ZNF329: variants seen among roughly 807,000 people sequenced by gnomAD.
ZNF329 encodes the protein zinc finger protein 329.
Under a neutral mutation model 26.6 loss-of-function variants are expected in ZNF329, and 15 were observed. That is an observed-to-expected ratio of 0.56 (90% CI 0.38 to 0.87). The LOEUF (loss-of-function observed/expected upper bound fraction) is 0.87. Among genes scored for constraint, ZNF329 ranks in the 40% least tolerant of loss-of-function variants. The pLI, the probability that ZNF329 is intolerant of heterozygous loss-of-function variation, is 0.00. For missense variants in ZNF329, 651 were observed against 651.9 expected, an observed-to-expected ratio of 1.00 and a Z score of 0.02; for synonymous variants, 239 against 233.5, an observed-to-expected ratio of 1.02 and a Z score of -0.21.
intron 3 of ZNF329, among the ~76,000 whole-genome samples, chr19:58,130,965 C>T (rs1335411545): frequency 6.6e-6 from 1 of 152,110 alleles, no homozygotes; most frequent in Non-Finnish European, 1.5e-5. Flanking sequence ...ACCTCAGCCT[C>T]CCAAAATGCT....
In ZNF329 at chr19:58,128,478, G is replaced by T; in HGVS notation, c.1026C>A (p.Pro342=). The T allele has an allele frequency of 2.5e-6, 4 of 1,613,824 alleles. No homozygotes were observed. In the African/African-American group the frequency reaches 4.0e-5, roughly 16 times the overall value. Residue 342 remains proline (P), a synonymous_variant, in exon 4 of 4, where the codon CCC becomes CCA. Coordinates refer to ENST00000598312, the MANE Select transcript of ZNF329 (RefSeq NM_024620.4). Reference sequence around the variant, plus strand: ...CCTTTCCACATTTGCTACACTCATAGGGCTTCTCACCGGTGTGGATTCTGA... The same window carrying T: ...CCTTTCCACATTTGCTACACTCATATGGCTTCTCACCGGTGTGGATTCTGA... ...VHLRIHTGEK[P]YECSKCGKAF...
chr19:58,128,425 T>C lies in ZNF329; in HGVS notation c.1079A>G (p.Gln360Arg). 1 of 1,614,052 alleles carries C rather than the reference T, an allele frequency of 6.2e-7. No individual in the cohort carries two copies. Residue 360 changes from glutamine to arginine, a missense_variant, in exon 4 of 4, where the codon CAG becomes CGG. Physicochemically the swap from Gln to Arg is conservative, Grantham distance 43. Transcript: ENST00000598312. ...TTCTCCAGTGTGAGTCCTCTCATGC[T>C]GGGTGAGGTACGAGCCGTCCCGGAA... ...KAFRDGSYLT[Q>R]HERTHTGEKP...
chr19:58,127,846 G>A lies in ZNF329; in HGVS notation c.*32C>T. On this transcript the variant is annotated 3_prime_UTR_variant, in exon 4 of 4. Transcript: ENST00000598312. ...ACGCCTCCTAAACACAGGAGTGAGAGTGAACTGGAAGACTCATGTGGCCCC... is the reference window on the plus strand; with the variant it reads ...ACGCCTCCTAAACACAGGAGTGAGAATGAACTGGAAGACTCATGTGGCCCC... 1.3e-6 allele frequency: 2 copies of A among 1,543,556 alleles called. No individual in the cohort carries two copies. The highest frequency in any genetic ancestry group is 2.5e-5 in the South Asian group (2 of 80,894).
chr19:58,145,655 A>G (rs1297744611), intron 1 of ZNF329, among the ~76,000 whole-genome samples: 1 of 152,224 alleles, frequency 6.6e-6, no homozygotes, highest in Non-Finnish European at 1.5e-5. Context: ...GGCACAAAAC[A>G]TAAAGAAAAA....
intron 3 of ZNF329, among the ~76,000 whole-genome samples, chr19:58,130,693 A>AC: frequency 6.6e-6 from 1 of 151,496 alleles, no homozygotes; most frequent in East Asian, 1.9e-4. Context: ...AAAAAAAAAA[A>AC]ACTGGATCAT....
At chr19:58,134,612 A>G (rs888835742) in intron 3 of ZNF329, among the ~76,000 whole-genome samples, 4 of 152,230 alleles carry the variant, frequency 2.6e-5, no homozygotes, top group African/African-American at 7.2e-5. Flanking sequence ...TGAGGATCAC[A>G]GGGCAATGTA....
rs2074884046 is a variant in ZNF329, at chr19:58,129,366, G to A, written c.138C>T (p.His46=). The A allele has an allele frequency of 6.2e-7, 1 of 1,614,204 alleles. No homozygotes were observed. Among genetic ancestry groups the A allele is most frequent in the South Asian group, 1.1e-5 (1 of 91,086 alleles). Residue 46 remains histidine, a synonymous_variant, in exon 4 of 4, where the codon CAC becomes CAT. Transcript: ENST00000598312. ...DGWDCENQEG[H]LRQSALTLEK... Reference sequence around the variant, plus strand: ...CCAGAGTTAAAGCTGATTGCCTCAAGTGTCCCTCCTGGTTCTCACAGTCCC... The same window carrying A: ...CCAGAGTTAAAGCTGATTGCCTCAAATGTCCCTCCTGGTTCTCACAGTCCC...
At chr19:58,142,143 T>C (rs2075203397) in intron 3 of ZNF329, among the ~76,000 whole-genome samples, 1 of 152,134 alleles carries the variant, frequency 6.6e-6, no homozygotes, top group Non-Finnish European at 1.5e-5. Flanking sequence ...AAAGACCACA[T>C]ACTGCAGGCT....
At chr19:58,150,303 C>A (rs1055668983) in intron 1 of ZNF329, among the ~76,000 whole-genome samples, 1 of 152,192 alleles carries the variant, frequency 6.6e-6, no homozygotes, top group African/African-American at 2.4e-5. Context: ...GGCTCACGGC[C>A]GCCAATTCAG....
chr19:58,131,645 G>A (rs888100977), intron 3 of ZNF329, among the ~76,000 whole-genome samples: 1 of 152,104 alleles, frequency 6.6e-6, no homozygotes, highest in Non-Finnish European at 1.5e-5. Context: ...AAGAACTACA[G>A]AGGATTCTTA....
At chr19:58,131,637 G>A (rs573110079) in intron 3 of ZNF329, among the ~76,000 whole-genome samples, 74 of 152,090 alleles carry the variant, frequency 4.9e-4, no homozygotes, top group South Asian at 4.8e-3. Flanking sequence ...TACTGCCCAA[G>A]AACTACAGAG....
At chr19:58,130,092 G>T (rs1478223678) in intron 3 of ZNF329, among the ~76,000 whole-genome samples, 6 of 152,136 alleles carry the variant, frequency 3.9e-5, no homozygotes, top group African/African-American at 1.2e-4. Context: ...AGTGGAGGCA[G>T]GTGGATCATT....
chr19:58,132,497 C>G (rs2074969225), intron 3 of ZNF329: 1 of 152,028 alleles, frequency 6.6e-6, no homozygotes, highest in African/African-American at 2.4e-5. Context: ...CAAGACCAGC[C>G]TGGGCAACTA....
At chr19:58,141,904 A>C (rs1363468934) in intron 3 of ZNF329, among the ~76,000 whole-genome samples, 1 of 151,744 alleles carries the variant, frequency 6.6e-6, no homozygotes, top group Admixed American at 6.6e-5. Context: ...AAAAAAAAAA[A>C]AAACAAATTA....
chr19:58,147,768 T>G (rs1375374086), intron 1 of ZNF329, among the ~76,000 whole-genome samples: 11 of 17,346 alleles, frequency 6.3e-4, no homozygotes, highest in South Asian at 2.5e-3. Flanking sequence ...GGGAGGGAGG[T>G]GGGGGGGGTC....
At chr19:58,144,857 T>C (rs984938997) in intron 1 of ZNF329, among the ~76,000 whole-genome samples, 9 of 149,476 alleles carry the variant, frequency 6.0e-5, no homozygotes, top group Non-Finnish European at 8.9e-5. Context: ...TTTCTTTTTT[T>C]TTTTTTTTTT....
In ZNF329 at chr19:58,128,460, A is replaced by T; in HGVS notation, c.1044T>A (p.Cys348Ter). Residue 348 changes from cysteine to a stop codon, truncating the protein, a stop_gained, in exon 4 of 4, where the codon TGT (cysteine) becomes TGA (stop). Transcript: ENST00000598312. LOFTEE classifies it high-confidence loss of function. Reference sequence around the variant, plus strand: ...ACGAGCCGTCCCGGAAAGCCTTTCCACATTTGCTACACTCATAGGGCTTCT... The same window carrying T: ...ACGAGCCGTCCCGGAAAGCCTTTCCTCATTTGCTACACTCATAGGGCTTCT... ...TGEKPYECSK[C>*]GKAFRDGSYL... 6.2e-7 allele frequency: 1 copy of T among 1,613,374 alleles called. No homozygotes were observed.
At chr19:58,141,940 A>G (rs971415228) in intron 3 of ZNF329, among the ~76,000 whole-genome samples, 10 of 151,872 alleles carry the variant, frequency 6.6e-5, no homozygotes, top group African/African-American at 2.4e-4. Context: ...CCTCGCCTGT[A>G]ATCCCAGCTA....
intron 1 of ZNF329, among the ~76,000 whole-genome samples, chr19:58,148,421 T>TA (rs1226157382): frequency 1.6e-5 from 2 of 127,732 alleles, no homozygotes; most frequent in South Asian, 2.5e-4. Context: ...GAGAGGAAGG[T>TA]AAAAAATTTC....
Sources: gnomAD v4.1 joint callset for allele counts (sites outside exome capture counted in the v4.1 genomes callset) on GRCh38, gnomAD v4.1.1 for gene constraint, MANE v1.5 for transcripts, NCBI Gene and HGNC (gene_info 2026-07-23, HGNC 2026-07-21) for gene names.